PTPRD: variants seen among roughly 807,000 people sequenced by gnomAD.
The protein encoded by PTPRD is protein tyrosine phosphatase receptor type D.
PTPRD carries 34 observed loss-of-function variants against 214.5 expected under a neutral mutation model. The ratio of observed to expected loss-of-function variants is 0.16; its 90% CI spans 0.12 to 0.21. The LOEUF is 0.21. Among genes scored for constraint, PTPRD ranks in the 10% least tolerant of loss-of-function variants. The probability of loss-of-function intolerance (pLI) is 1.00; values close to 1 mark genes in which losing one functional copy is unlikely to be tolerated. For missense variants in PTPRD, 2,545 were observed against 2,398.7 expected (o/e 1.06, Z -1.27); for synonymous variants, 1,128 against 845.7 (o/e 1.33, Z -5.79).
intron 45 of PTPRD, among the ~76,000 whole-genome samples, chr9:8,318,376 A>G (rs1322987189): frequency 6.6e-6 from 1 of 152,138 alleles, no homozygotes; most frequent in African/African-American, 2.4e-5. Context: ...ATACAGACAC[A>G]AACTGTCCTG....
intron 8 of PTPRD, among the ~76,000 whole-genome samples, chr9:9,541,398 C>A (rs780894442): frequency 2.6e-5 from 4 of 151,692 alleles, no homozygotes; most frequent in Admixed American, 2.6e-4. Context: ...AATATGAAGG[C>A]CCCAGAAATA....
intron 7 of PTPRD, among the ~76,000 whole-genome samples, chr9:9,583,717 T>C (rs767396567): frequency 2.0e-5 from 3 of 152,068 alleles, no homozygotes; most frequent in Non-Finnish European, 4.4e-5. Flanking sequence ...TTTATGTAAA[T>C]TCATGGTAAC....
chr9:9,267,128 T>C lies in PTPRD; in HGVS notation c.-202-83765A>G, dbSNP rs143721036. Reference sequence around the variant, plus strand: ...GATGGATCACCACGCATTATATGTATTGAAACATCACTATGTACTGAAGAA... The same window carrying C: ...GATGGATCACCACGCATTATATGTACTGAAACATCACTATGTACTGAAGAA... On this transcript the variant is annotated intron_variant, in intron 9 of 45. Transcript: ENST00000381196. 9.0e-3 allele frequency among the ~76,000 whole-genome samples: 1,366 copies of C among 151,406 alleles called. 28 individuals are homozygous for C. Among genetic ancestry groups the C allele is most frequent in the African/African-American group, 0.031 (1,283 of 41,458 alleles).
intron 11 of PTPRD, chr9:8,858,270 C>CA (rs2097994752): frequency 6.5e-6 from 1 of 153,624 alleles, no homozygotes; most frequent in Non-Finnish European, 1.4e-5. Context: ...GGCTGCCCCC[C>CA]TCGGTGCCTC....
At chr9:9,821,261 T>C (rs1433505421) in intron 5 of PTPRD, among the ~76,000 whole-genome samples, 17 of 152,180 alleles carry the variant, frequency 1.1e-4, no homozygotes, top group Admixed American at 1.1e-3. Context: ...GTAACATTGA[T>C]TTTGTACCCT....
chr9:10,079,759 C>A (rs771209823), intron 3 of PTPRD, among the ~76,000 whole-genome samples: 22 of 152,082 alleles, frequency 1.4e-4, no homozygotes, highest in Non-Finnish European at 3.1e-4. Flanking sequence ...GTTTTCCTCA[C>A]CTTTGTGATG....
At chr9:9,472,361 G>A (rs981056760) in intron 8 of PTPRD, among the ~76,000 whole-genome samples, 36 of 151,272 alleles carry the variant, frequency 2.4e-4, no homozygotes, top group Non-Finnish European at 2.1e-4. Context: ...CCGCCACCGC[G>A]CCCGGCTAAT....
chr9:8,552,458 G>A (rs1232833758), intron 14 of PTPRD, among the ~76,000 whole-genome samples: 1 of 152,138 alleles, frequency 6.6e-6, no homozygotes, highest in Non-Finnish European at 1.5e-5. Flanking sequence ...CCTCAGTGAG[G>A]TGCATGGAAA....
intron 9 of PTPRD, among the ~76,000 whole-genome samples, chr9:9,347,814 C>A (rs942061600): frequency 1.3e-5 from 2 of 152,160 alleles, no homozygotes; most frequent in Admixed American, 1.3e-4. Flanking sequence ...TAGTGCTTCA[C>A]TCTGTAAAGG....
At chr9:9,671,788 C>A (rs1002821148) in intron 7 of PTPRD, among the ~76,000 whole-genome samples, 4 of 152,160 alleles carry the variant, frequency 2.6e-5, no homozygotes, top group Admixed American at 6.5e-5. Context: ...TCTAAGGCCT[C>A]CCAGCCATGT....
intron 5 of PTPRD, among the ~76,000 whole-genome samples, chr9:9,870,242 G>T (rs968151233): frequency 3.9e-5 from 6 of 151,918 alleles, no homozygotes; most frequent in Admixed American, 6.6e-5. Context: ...CGAATAAAAA[G>T]ATTTTTAAAA....
intron 7 of PTPRD, among the ~76,000 whole-genome samples, chr9:9,659,973 C>A (rs2096591431): frequency 6.6e-6 from 1 of 151,980 alleles, no homozygotes; most frequent in South Asian, 2.1e-4. Flanking sequence ...CTCTTCTGGG[C>A]TGTAAATGAA....
intron 9 of PTPRD, among the ~76,000 whole-genome samples, chr9:9,350,623 T>A (rs566454976): frequency 6.6e-6 from 1 of 152,200 alleles, no homozygotes; most frequent in Admixed American, 6.6e-5. Flanking sequence ...TGATGTAGTA[T>A]CCTCTATATT....
At chr9:9,010,982 G>A (rs2099509504) in intron 11 of PTPRD, among the ~76,000 whole-genome samples, 1 of 152,066 alleles carries the variant, frequency 6.6e-6, no homozygotes, top group South Asian at 2.1e-4. Context: ...TGATTATTTT[G>A]GTACAGAAAA....
intron 8 of PTPRD, among the ~76,000 whole-genome samples, chr9:9,428,966 T>G (rs149827421): frequency 0.073 from 11,133 of 152,156 alleles, 438 homozygotes; most frequent in Middle Eastern, 0.17. Context: ...GATCTAAAAT[T>G]GACACCCTAA....
chr9:8,976,657 C>T (rs2099269524), intron 11 of PTPRD, among the ~76,000 whole-genome samples: 1 of 152,048 alleles, frequency 6.6e-6, no homozygotes, highest in Non-Finnish European at 1.5e-5. Flanking sequence ...TTTTTCTGTA[C>T]TGGGAAATCT....
At position 9,670,112 on chromosome 9, in the gene PTPRD, A is replaced by C. The variant is rs185216646; in HGVS notation, c.-287+64421T>G. ...AATTTGTAAAATTTGTAAAATTAGC[A>C]ATTAGTAATTAGTAATTTGTAATTT... is the stretch of plus-strand genomic sequence containing the variant. On this transcript the variant is annotated intron_variant, in intron 7 of 45. Coordinates refer to ENST00000381196, the MANE Select transcript of PTPRD (RefSeq NM_002839.4). Among the ~76,000 whole-genome samples, 35 of 152,294 alleles carry C rather than the reference A, an allele frequency of 2.3e-4. 1 individual carries two copies. The highest frequency in any genetic ancestry group is 7.2e-4 in the African/African-American group (30 of 41,574).
At chr9:10,509,470 C>CATCTCTATCTATCT (rs2047207152) in intron 2 of PTPRD, among the ~76,000 whole-genome samples, 1 of 138,120 alleles carries the variant, frequency 7.2e-6, no homozygotes, top group Non-Finnish European at 1.5e-5. Context: ...TTGATTGATC[C>CATCTCTATCTATCT]ATCTATCTAT....
intron 11 of PTPRD, among the ~76,000 whole-genome samples, chr9:8,780,937 G>A (rs1375856921): frequency 2.0e-5 from 3 of 152,090 alleles, no homozygotes; most frequent in Non-Finnish European, 2.9e-5. Context: ...GATCAGCTGT[G>A]GTCAGATATT....
Sources: gnomAD v4.1 joint callset for allele counts (sites outside exome capture counted in the v4.1 genomes callset) on GRCh38, gnomAD v4.1.1 for gene constraint, MANE v1.5 for transcripts, NCBI Gene and HGNC (gene_info 2026-07-23, HGNC 2026-07-21) for gene names.